The following NEB variants were observed in gnomAD, a reference collection of about 807,000 sequenced individuals.
NEB encodes the protein nebulin, also known as nemaline myopathy type 2.
In NEB, 512 loss-of-function variants were observed where a neutral mutation model predicts 952.2. The ratio of observed to expected loss-of-function variants is 0.54; its 90% CI spans 0.50 to 0.58. NEB has a LOEUF of 0.58. Among genes scored for constraint, NEB ranks in the 20% least tolerant of loss-of-function variants. The pLI, the probability that NEB is intolerant of heterozygous loss-of-function variation, is 0.00. For missense variants in NEB, 8,428 were observed against 9,231.1 expected, an observed-to-expected ratio of 0.91 and a Z score of 3.56; for synonymous variants, 2,900 against 3,149.8, an observed-to-expected ratio of 0.92 and a Z score of 2.66.
chr2:151,537,948 T>A lies in NEB; in HGVS notation c.21026A>T (p.Gln7009Leu). ...KIKYKENYMS[Q>L]LGIWRSIPDR... ...AGGAATGGACCTCCAGATACCCAAC[T>A]GGCTCATGTAGTTCTCCTTGTATTT... Residue 7009 changes from glutamine (Q) to leucine (L), a missense_variant, in exon 140 of 182, where the codon CAG becomes CTG. This residue lies in a region of NEB where 3,374 missense variants were observed against 3,651.5 expected (regional missense o/e 0.92). Transcript: ENST00000397345. The A allele has an allele frequency of 1.2e-6, 2 of 1,613,474 alleles. No homozygotes were observed. Among genetic ancestry groups the A allele is most frequent in the Non-Finnish European group, 1.7e-6 (2 of 1,179,554 alleles).
chr2:151,536,879 GGA>G (rs1387751453), intron 141 of NEB, among the ~76,000 whole-genome samples: 2 of 152,064 alleles, frequency 1.3e-5, no homozygotes, highest in Non-Finnish European at 2.9e-5. Context: ...ATATTAATAA[GGA>G]GAGAGTTCTA....
intron 133 of NEB, 34 bp downstream of exon 133, chr2:151,547,393 AAG>A (rs764270837): frequency 6.7e-7 from 1 of 1,496,482 alleles, no homozygotes; most frequent in South Asian, 1.2e-5. Flanking sequence ...GCGTCTTGGT[AAG>A]ACTACTCCAG....
intron 20 of NEB, 88 bp downstream of exon 20, chr2:151,694,235 C>T: frequency 9.1e-7 from 1 of 1,097,134 alleles, no homozygotes; most frequent in Non-Finnish European, 1.4e-6. Context: ...TCCAAGATTT[C>T]AGTTAGGCTA....
At chr2:151,660,647 A>C (rs2099136558) in intron 46 of NEB, among the ~76,000 whole-genome samples, 1 of 152,154 alleles carries the variant, frequency 6.6e-6, no homozygotes, top group South Asian at 2.1e-4. Flanking sequence ...AAATTCCTTA[A>C]ATTTCAGGCT....
At chr2:151,678,682 G>A (rs1645062906) in intron 32 of NEB, among the ~76,000 whole-genome samples, 1 of 152,080 alleles carries the variant, frequency 6.6e-6, no homozygotes, top group African/African-American at 2.4e-5. Context: ...GCCAGGAGGG[G>A]GTAAACACTA....
intron 71 of NEB, among the ~76,000 whole-genome samples, chr2:151,624,681 AT>A (rs1159374075): frequency 2.0e-5 from 3 of 152,114 alleles, no homozygotes; most frequent in African/African-American, 7.2e-5. Flanking sequence ...TAGTACTTAA[AT>A]TTTTCAGTGC....
chr2:151,672,490 G>C lies in NEB; in HGVS notation c.4178C>G (p.Ala1393Gly). Reference protein sequence around the residue: ...TPGDMVSITAAKMAQDVATNV... With the variant: ...TPGDMVSITAGKMAQDVATNV... ...GGTAGCGACATCCTGGGCCATCTTTGCAGCTGTGATGCTAACCATGTCCCC... is the reference window on the plus strand; with the variant it reads ...GGTAGCGACATCCTGGGCCATCTTTCCAGCTGTGATGCTAACCATGTCCCC... The change falls in exon 37 of 182, where the codon GCA becomes GGA. Residue 1393 changes from alanine (A) to glycine (G), a missense_variant. Transcript: ENST00000397345. The C allele has an allele frequency of 6.2e-7, 1 of 1,613,980 alleles. No homozygotes were observed. The highest frequency in any genetic ancestry group is 8.5e-7 in the Non-Finnish European group (1 of 1,179,888).
chr2:151,497,775 G>A, intron 170 of NEB, 57 bp from the exon 171 acceptor site: 1 of 1,546,568 alleles, frequency 6.5e-7, no homozygotes, highest in Non-Finnish European at 8.7e-7. Context: ...CATTTCTTGG[G>A]ACTTTTTAAG....
intron 48 of NEB, among the ~76,000 whole-genome samples, chr2:151,657,592 C>A (rs1359797463): frequency 6.6e-6 from 1 of 152,122 alleles, no homozygotes; most frequent in Non-Finnish European, 1.5e-5. Context: ...ATCATGAGCC[C>A]AAATGATCAG....
At chr2:151,520,165 A>G (rs2080957235) in intron 153 of NEB, among the ~76,000 whole-genome samples, 1 of 152,186 alleles carries the variant, frequency 6.6e-6, no homozygotes, top group Admixed American at 6.5e-5. Context: ...GTGAAATCCA[A>G]AGAAGGGCTG....
intron 105 of NEB, among the ~76,000 whole-genome samples, chr2:151,578,746 AGAAGGAAGGAAC>A (rs1170268899): frequency 7.0e-4 from 98 of 140,518 alleles, no homozygotes; most frequent in Non-Finnish European, 1.1e-3. Context: ...AAGGAAGGAG[AGAAGGAAGGAAC>A]GAAGGAAGGA....
chr2:151,487,273 A>G (rs1301633846), intron 181 of NEB, among the ~76,000 whole-genome samples: 2 of 152,180 alleles, frequency 1.3e-5, no homozygotes, highest in African/African-American at 4.8e-5. Context: ...TAAAATTGTA[A>G]TAATTTGGAG....
At position 151,630,605 on chromosome 2, in the gene NEB, T is replaced by G. The variant is rs571940509; in HGVS notation, c.9723+110A>C. ...GAGATGAAAGGTTGGATGAGTGGAG[T>G]GTTAAATGAAAGAGCCACATGCACC... On this transcript the variant is annotated intron_variant, in intron 67 of 181. Coordinates refer to ENST00000397345, the MANE Select transcript of NEB (RefSeq NM_001164508.2). The G allele has an allele frequency of 3.8e-4, 294 of 778,954 alleles. No individual in the cohort carries two copies. In the African/African-American group the frequency reaches 4.4e-3, roughly 12 times the overall value. The allele number at this position is 778,954 out of a possible 1,614,324, so 48.3% of individuals were successfully genotyped here.
chr2:151,549,443 C>T (rs2095107589), intron 130 of NEB, among the ~76,000 whole-genome samples, 193 bp downstream of exon 130: 1 of 152,218 alleles, frequency 6.6e-6, no homozygotes, highest in African/African-American at 2.4e-5. Flanking sequence ...GCTACCCAGG[C>T]ACTGCTGAAT....
Position 151,677,876 on chromosome 2 carries a change from A to T in NEB, c.3567T>A (p.Asp1189Glu), listed in dbSNP as rs781515499. The T allele has an allele frequency of 1.2e-5, 20 of 1,607,796 alleles. No homozygotes were observed. Among genetic ancestry groups the T allele is most frequent in the Non-Finnish European group, 1.7e-5 (20 of 1,176,086 alleles). Residue 1189 changes from aspartate to glutamate, a missense_variant and splice_region_variant, in exon 33 of 182, where the codon GAT (aspartate) becomes GAA (glutamate). Asp to Glu is a conservative substitution (Grantham distance 45, BLOSUM62 2). Around this residue, in one of 11 missense-constraint regions of NEB, gnomAD observed 2,851 missense variants for 2,791.5 expected, o/e 1.02. Transcript: ENST00000397345. ...TTCTTGAGAAGTAAATGACACTTAC[A>T]TCACTCTGTATCTGCATCATGTTCT... ...LSKNMMQIQS[D>E]NVYKEDYNNW...
rs2099452541 is a variant in NEB, at chr2:151,683,731, C to T, written c.2836-962G>A. On this transcript the variant is annotated intron_variant, in intron 28 of 181. Transcript: ENST00000397345. ...ACTTCGGGTTTATACCCAAAAGAAT[C>T]GAAAGCAGGATCTCAAAGAGATATT... is the stretch of plus-strand genomic sequence containing the variant. Among the ~76,000 whole-genome samples the T allele has an allele frequency of 2.0e-5, 3 of 152,218 alleles. 1 individual carries two copies. The South Asian group carries it at 6.2e-4, about 32-fold the overall frequency.
In NEB at chr2:151,496,635, C is replaced by T. The variant is rs1049267802; in HGVS notation, c.24394-267G>A. 5.9e-5 allele frequency among the ~76,000 whole-genome samples: 9 copies of T among 151,910 alleles called. No individual in the cohort carries two copies. In the South Asian group the frequency reaches 1.7e-3, roughly 28 times the overall value. Reference sequence around the variant, plus strand: ...TTATTTTTTTTCATTTTTGTGAGTACGGTGCCTCCTAAACAATCACATGAG... The same window carrying T: ...TTATTTTTTTTCATTTTTGTGAGTATGGTGCCTCCTAAACAATCACATGAG... On this transcript the variant is annotated intron_variant, in intron 172 of 181. Transcript: ENST00000397345.
Position 151,534,212 on chromosome 2 carries a change from T to C in NEB, c.21313-666A>G. The C allele has an allele frequency of 6.2e-7, 1 of 1,612,266 alleles. No individual in the cohort carries two copies. Among genetic ancestry groups the C allele is most frequent in the Non-Finnish European group, 8.5e-7 (1 of 1,178,868 alleles). On this transcript the variant is annotated intron_variant, in intron 142 of 181. Transcript: ENST00000397345. ...GGGCCACCGGCCAGCCCCATCACAG[T>C]ACCTGACTGATCTGGTCGCCTGCGG... is the stretch of plus-strand genomic sequence containing the variant.
At position 151,537,131 on chromosome 2, in the gene NEB, C is replaced by T. The variant is rs2093334277; in HGVS notation, c.21207+1G>A. 1 of 1,594,846 alleles carries T rather than the reference C, an allele frequency of 6.3e-7. No homozygotes were observed. The highest frequency in any genetic ancestry group is 1.7e-5 in the Admixed American group (1 of 59,892). On this transcript the variant is annotated splice_donor_variant, in intron 141 of 181. Transcript: ENST00000397345. LOFTEE classifies it high-confidence loss of function. ...GGCCAATTCTCCTTGAGTATATATA[C>T]CTTGCTGTAGAGAGTCTTGTTCTTT...
Sources: gnomAD v4.1 joint callset for allele counts (sites outside exome capture counted in the v4.1 genomes callset) on GRCh38, gnomAD v4.1.1 for gene constraint, gnomAD v4.1.1 regional missense constraint, MANE v1.5 for transcripts, NCBI Gene and HGNC (gene_info 2026-07-23, HGNC 2026-07-21) for gene names.